APBA1: variants seen among roughly 807,000 people sequenced by gnomAD.
APBA1 encodes amyloid-beta A4 precursor protein-binding family A member 1.
APBA1 carries 55 observed loss-of-function variants against 86.6 expected under a neutral mutation model. The observed-to-expected ratio is 0.64, with a 90% CI of 0.51 to 0.80. The LOEUF is 0.80. Ranked by LOEUF, APBA1 falls within the 30% of genes least tolerant of loss-of-function variation. APBA1 has a pLI of 0.00. For missense variants in APBA1, 1,090 were observed against 1,183.0 expected (o/e 0.92, Z 1.15); for synonymous variants, 511 against 493.9 (o/e 1.03, Z -0.46).
At chr9:69,537,863 G>A (rs1021499574) in intron 1 of APBA1, among the ~76,000 whole-genome samples, 7 of 151,328 alleles carry the variant, frequency 4.6e-5, no homozygotes, top group Non-Finnish European at 1.0e-4. Context: ...TGTTGCAAAT[G>A]TTTTCCCCCA....
At chr9:69,482,280 AAAAC>A (rs905456218) in intron 2 of APBA1, among the ~76,000 whole-genome samples, 2 of 151,554 alleles carry the variant, frequency 1.3e-5, no homozygotes, top group Non-Finnish European at 2.9e-5. Context: ...TTACAAGAAA[AAAAC>A]AAACAACCTC....
chr9:69,616,192 A>G (rs1822696525), intron 1 of APBA1, among the ~76,000 whole-genome samples: 1 of 152,188 alleles, frequency 6.6e-6, no homozygotes, highest in African/African-American at 2.4e-5. Context: ...GCTTTAATTC[A>G]ACCCAATCAT....
At chr9:69,572,115 G>A (rs773305585) in intron 1 of APBA1, among the ~76,000 whole-genome samples, 11 of 152,176 alleles carry the variant, frequency 7.2e-5, no homozygotes, top group Non-Finnish European at 1.3e-4. Context: ...TAGGGTACAT[G>A]TATAGGATGT....
intron 1 of APBA1, among the ~76,000 whole-genome samples, chr9:69,587,637 T>C (rs1206162623): frequency 6.6e-6 from 1 of 152,026 alleles, no homozygotes; most frequent in African/African-American, 2.4e-5. Context: ...TTCCAAGCCC[T>C]CTCCAAAAAA....
rs536673517 is a variant in APBA1, at chr9:69,525,309, T to C, written c.-69-8030A>G. ...CAAAACTCTCTCTTTTCCCTGACAA[T>C]GTGATTCTATATCTAAAAAACCCTA... On this transcript the variant is annotated intron_variant, in intron 1 of 12. Coordinates refer to ENST00000265381, the MANE Select transcript of APBA1 (RefSeq NM_001163.4). 8.7e-4 allele frequency among the ~76,000 whole-genome samples: 133 copies of C among 152,122 alleles called. 1 individual carries two copies. Among genetic ancestry groups the C allele is most frequent in the Non-Finnish European group, 1.6e-3 (108 of 67,938 alleles).
At chr9:69,439,940 C>G (rs369025173) in intron 11 of APBA1, among the ~76,000 whole-genome samples, 3 of 152,246 alleles carry the variant, frequency 2.0e-5, no homozygotes, top group East Asian at 1.9e-4. Flanking sequence ...TTTGATGATG[C>G]TGACGTACAG....
chr9:69,590,379 C>G (rs1822107116), intron 1 of APBA1, among the ~76,000 whole-genome samples: 1 of 152,134 alleles, frequency 6.6e-6, no homozygotes, highest in Admixed American at 6.5e-5. Context: ...TGGTTCTAGT[C>G]CTGGCTTTGG....
intron 1 of APBA1, among the ~76,000 whole-genome samples, chr9:69,605,690 G>A (rs1243492932): frequency 3.3e-5 from 5 of 152,222 alleles, no homozygotes; most frequent in Admixed American, 2.6e-4. Flanking sequence ...GGCACTAACA[G>A]CCACATGTCA....
At chr9:69,510,543 A>C in intron 2 of APBA1, among the ~76,000 whole-genome samples, 3 of 138,372 alleles carry the variant, frequency 2.2e-5, no homozygotes, top group Admixed American at 7.4e-5. Context: ...GCTACCAATG[A>C]CTTTCTTCAC....
chr9:69,462,646 C>T (rs748823154), intron 5 of APBA1: 13 of 152,092 alleles, frequency 8.5e-5, no homozygotes, highest in Non-Finnish European at 1.5e-4. Context: ...AGCAAATGTC[C>T]GAAAAGGAGG....
chr9:69,606,099 C>T (rs1564090372), intron 1 of APBA1, among the ~76,000 whole-genome samples: 2 of 152,220 alleles, frequency 1.3e-5, no homozygotes, highest in Non-Finnish European at 2.9e-5. Context: ...AGATTTTATA[C>T]CCAAATCACT....
chr9:69,513,601 A>C (rs1836087102), intron 2 of APBA1, among the ~76,000 whole-genome samples: 1 of 152,238 alleles, frequency 6.6e-6, no homozygotes. Context: ...AGAATTCTAC[A>C]CGTGAGTGCA....
chr9:69,642,647 TAGAGAG>T (rs1823311048), intron 1 of APBA1, among the ~76,000 whole-genome samples: 1 of 151,674 alleles, frequency 6.6e-6, no homozygotes, highest in South Asian at 2.1e-4. Flanking sequence ...GAGAGAGAGA[TAGAGAG>T]AGATAGAGAG....
intron 11 of APBA1, among the ~76,000 whole-genome samples, chr9:69,439,743 T>A (rs1834775231): frequency 6.6e-6 from 1 of 152,208 alleles, no homozygotes; most frequent in Non-Finnish European, 1.5e-5. Flanking sequence ...CTCCTTTAGC[T>A]CAGAGTAGTT....
At chr9:69,440,974 G>A in intron 11 of APBA1, 22 bp downstream of exon 11, 1 of 1,610,300 alleles carries the variant, frequency 6.2e-7, no homozygotes. Flanking sequence ...GTGGAAAAGG[G>A]TGTGGAAGGT....
chr9:69,451,084 C>T (rs540949842), intron 9 of APBA1, among the ~76,000 whole-genome samples: 16 of 152,284 alleles, frequency 1.1e-4, no homozygotes, highest in South Asian at 2.1e-4. Context: ...ATTCATATAC[C>T]CCCTGTCCAG....
At chr9:69,494,420 G>A (rs886563703) in intron 2 of APBA1, 5 of 152,006 alleles carry the variant, frequency 3.3e-5, no homozygotes, top group African/African-American at 9.7e-5. Context: ...GTCATCATCC[G>A]AGGCCACACA....
intron 1 of APBA1, among the ~76,000 whole-genome samples, chr9:69,659,050 G>T (rs1823701123): frequency 6.6e-6 from 1 of 152,078 alleles, no homozygotes; most frequent in South Asian, 2.1e-4. Flanking sequence ...TTTCCTAGGA[G>T]CATCTCCTTA....
rs192282926 is a variant in APBA1 at position 69,660,844 on chromosome 9, G to T, written c.-70+11309C>A. ...GATGAAAAAATGAGTGTGTGGGTGG[G>T]TGCATATTTTGAAAGGACAAGAGAG... is the stretch of plus-strand genomic sequence containing the variant. On this transcript the variant is annotated intron_variant, in intron 1 of 12. Transcript: ENST00000265381. Among the ~76,000 whole-genome samples the T allele has an allele frequency of 1.3e-3, 197 of 152,202 alleles. 2 individuals carry two copies. Among genetic ancestry groups the T allele is most frequent in the Non-Finnish European group, 5.1e-4 (35 of 68,020 alleles).
Sources: gnomAD v4.1 joint callset for allele counts (sites outside exome capture counted in the v4.1 genomes callset) on GRCh38, gnomAD v4.1.1 for gene constraint, MANE v1.5 for transcripts, NCBI Gene and HGNC (gene_info 2026-07-23, HGNC 2026-07-21) for gene names.